Variants in PDE10A observed in about 807,000 individuals in gnomAD.
PDE10A encodes cAMP and cAMP-inhibited cGMP 3',5'-cyclic phosphodiesterase 10A.
PDE10A carries 39 observed loss-of-function variants against 97.7 expected under a neutral mutation model. The ratio of observed to expected loss-of-function variants is 0.40; its 90% confidence interval spans 0.31 to 0.52. The LOEUF (loss-of-function observed/expected upper bound fraction) is 0.52. Ranked by LOEUF, PDE10A falls within the 20% of genes least tolerant of loss-of-function variation. The pLI is 0.56. For missense variants in PDE10A, 731 were observed against 1,047.8 expected (o/e 0.70, Z 4.17); for synonymous variants, 371 against 376.8 (o/e 0.98, Z 0.18).
chr6:165,860,015 G>A (rs188972988), intron 1 of PDE10A, among the ~76,000 whole-genome samples: 21 of 152,250 alleles, frequency 1.4e-4, no homozygotes, highest in Admixed American at 5.2e-4. Flanking sequence ...TAAGAACGAT[G>A]CAATGGACTT....
chr6:165,337,576 A>G (rs1781725675), intron 20 of PDE10A, among the ~76,000 whole-genome samples: 1 of 152,252 alleles, frequency 6.6e-6, no homozygotes, highest in Non-Finnish European at 1.5e-5. Flanking sequence ...TACTAATATT[A>G]GAAATTAGAG....
At chr6:165,469,536 A>C (rs1469499574) in intron 3 of PDE10A, among the ~76,000 whole-genome samples, 1 of 152,232 alleles carries the variant, frequency 6.6e-6, no homozygotes, top group African/African-American at 2.4e-5. Flanking sequence ...CATAAATTTG[A>C]ATGCCTGAAG....
At chr6:165,438,223 T>C (rs2128241668) in intron 5 of PDE10A, among the ~76,000 whole-genome samples, 1 of 152,248 alleles carries the variant, frequency 6.6e-6, no homozygotes, top group Non-Finnish European at 1.5e-5. Flanking sequence ...AGTTTCACTC[T>C]TGTTGCCCAG....
chr6:165,578,798 A>C (rs1439292882), intron 1 of PDE10A, among the ~76,000 whole-genome samples: 1 of 152,178 alleles, frequency 6.6e-6, no homozygotes, highest in East Asian at 1.9e-4. Flanking sequence ...CGCCTCTGCT[A>C]AGTAATGGTA....
At chr6:165,898,660 C>T (rs1201195291) in intron 1 of PDE10A, among the ~76,000 whole-genome samples, 4 of 152,028 alleles carry the variant, frequency 2.6e-5, no homozygotes, top group African/African-American at 9.7e-5. Flanking sequence ...TCTCATTCTC[C>T]TCCCTGGGAC....
intron 1 of PDE10A, among the ~76,000 whole-genome samples, chr6:165,674,526 C>T (rs1441701676): frequency 6.6e-6 from 1 of 152,138 alleles, no homozygotes; most frequent in Non-Finnish European, 1.5e-5. Context: ...CACTGCCTGG[C>T]TTAGAGCAAA....
chr6:165,735,478 G>A (rs1216981177), intron 1 of PDE10A, among the ~76,000 whole-genome samples: 2 of 152,072 alleles, frequency 1.3e-5, no homozygotes, highest in East Asian at 1.9e-4. Context: ...AGGTAAGTAG[G>A]AAGATAGGTA....
chr6:165,528,324 T>C lies in PDE10A; in HGVS notation c.994+15116A>G, dbSNP rs1354952482. Among the ~76,000 whole-genome samples, 4 of 152,178 alleles carry C rather than the reference T, an allele frequency of 2.6e-5. 1 individual carries two copies. The highest frequency in any genetic ancestry group is 1.5e-5 in the Non-Finnish European group (1 of 68,034). ...CATTCTGTGGACACCACTCAGCCTC[T>C]TTCCCCAGCCACCCCTGTCATCGCC... On this transcript the variant is annotated intron_variant, in intron 2 of 21. Coordinates refer to ENST00000539869, the MANE Select transcript of PDE10A (RefSeq NM_001385079.1).
At chr6:165,400,330 T>C (rs192142169) in intron 13 of PDE10A, among the ~76,000 whole-genome samples, 3 of 151,976 alleles carry the variant, frequency 2.0e-5, no homozygotes, top group South Asian at 2.1e-4. Flanking sequence ...AAAGGATAAA[T>C]TGATCAACTG....
intron 1 of PDE10A, among the ~76,000 whole-genome samples, chr6:165,739,538 A>G (rs1792667072): frequency 6.6e-6 from 1 of 152,214 alleles, no homozygotes. Flanking sequence ...TGAAAATGCT[A>G]GAAGAAAACA....
chr6:165,821,129 T>C (rs1779557219), intron 1 of PDE10A, among the ~76,000 whole-genome samples: 1 of 152,224 alleles, frequency 6.6e-6, no homozygotes, highest in Non-Finnish European at 1.5e-5. Context: ...AGACAGCGGC[T>C]GCCACCTGCT....
intron 1 of PDE10A, among the ~76,000 whole-genome samples, chr6:165,944,661 C>T (rs923866528): frequency 6.6e-6 from 1 of 152,100 alleles, no homozygotes; most frequent in East Asian, 1.9e-4. Flanking sequence ...CAGTTTTTAA[C>T]GTAGAAACAC....
chr6:165,775,271 C>A (rs1583070826), intron 1 of PDE10A: 1 of 152,330 alleles, frequency 6.6e-6, no homozygotes, highest in African/African-American at 2.4e-5. Flanking sequence ...ACGGTGATAT[C>A]ATAATCACCA....
chr6:165,580,961 G>A lies in PDE10A; in HGVS notation c.866-37393C>T, dbSNP rs114931343. ...AAGAAGATGGTAAGTCTCCTACCCA[G>A]TGAGAAAGAAGATGGTAAGTTCAAT... On this transcript the variant is annotated intron_variant, in intron 1 of 21. Transcript: ENST00000539869. 9.4e-3 allele frequency among the ~76,000 whole-genome samples: 1,434 copies of A among 152,178 alleles called. 27 individuals carry two copies. The highest frequency in any genetic ancestry group is 0.033 in the African/African-American group (1,368 of 41,498).
intron 1 of PDE10A, among the ~76,000 whole-genome samples, chr6:165,709,759 C>T (rs1011883574): frequency 2.8e-5 from 4 of 143,774 alleles, no homozygotes; most frequent in Non-Finnish European, 6.0e-5. Flanking sequence ...CTCTGCGAGC[C>T]GCAACCATGG....
intron 1 of PDE10A, among the ~76,000 whole-genome samples, chr6:165,776,744 T>C (rs1465842378): frequency 6.6e-6 from 1 of 152,222 alleles, no homozygotes; most frequent in Non-Finnish European, 1.5e-5. Context: ...CAAGGAGGTC[T>C]GGTCCTTGAC....
intron 1 of PDE10A, among the ~76,000 whole-genome samples, chr6:165,754,548 G>A (rs1793074660): frequency 6.6e-6 from 1 of 151,996 alleles, no homozygotes; most frequent in Non-Finnish European, 1.5e-5. Flanking sequence ...AGAGATATAG[G>A]CAACCAAAAG....
In PDE10A at chr6:165,943,262, G is replaced by GGAAAGAAAGAAAGAAA. The variant is rs1562809895; in HGVS notation, c.-615+44266_-615+44267insTTTCTTTCTTTCTTTC. Among the ~76,000 whole-genome samples, 23 of 79,592 alleles carry GGAAAGAAAGAAAGAAA rather than the reference G, an allele frequency of 2.9e-4. 1 individual carries two copies. Among genetic ancestry groups the GGAAAGAAAGAAAGAAA allele is most frequent in the South Asian group, 4.3e-4 (1 of 2,346 alleles). The allele number at this position is 79,592 out of a possible 152,430, so 52.2% of individuals were successfully genotyped here. ...AGGAAGGAAGGAAGGAAGGAAGGAA[G>GGAAAGAAAGAAAGAAA]GAAGGAAGGAAGGAAAGAAAGAAAG... On this transcript the variant is annotated intron_variant, in intron 1 of 19. Transcript: ENST00000366882.
intron 1 of PDE10A, among the ~76,000 whole-genome samples, chr6:165,890,240 C>T (rs1291072289): frequency 1.3e-5 from 2 of 152,090 alleles, no homozygotes; most frequent in South Asian, 2.1e-4. Flanking sequence ...TCCCCACGTG[C>T]GGAGCCTGCT....
Sources: gnomAD v4.1 joint callset for allele counts (sites outside exome capture counted in the v4.1 genomes callset) on GRCh38, gnomAD v4.1.1 for gene constraint, MANE v1.5 for transcripts, NCBI Gene and HGNC (gene_info 2026-07-23, HGNC 2026-07-21) for gene names.